Variants in RAP1GAP2 observed in about 807,000 individuals in gnomAD.
RAP1GAP2 encodes the protein RAP1 GTPase activating protein 2, also known as rap1 GTPase-activating protein 2.
In RAP1GAP2, 27 loss-of-function variants were observed where a neutral mutation model predicts 95.0. The observed-to-expected ratio is 0.28, with a 90% CI of 0.21 to 0.39. The LOEUF (loss-of-function observed/expected upper bound fraction) is 0.39. RAP1GAP2 is among the 10% of genes least tolerant of loss of function. The pLI, the probability that RAP1GAP2 is intolerant of heterozygous loss-of-function variation, is 1.00. For synonymous variants in RAP1GAP2, 373 were observed against 380.9 expected, an observed-to-expected ratio of 0.98 and a Z score of 0.24; for missense variants, 771 against 970.0, an observed-to-expected ratio of 0.79 and a Z score of 2.72.
At chr17:2,822,747 G>A (rs531922551) in intron 2 of RAP1GAP2, among the ~76,000 whole-genome samples, 103 of 145,714 alleles carry the variant, frequency 7.1e-4, no homozygotes, top group African/African-American at 2.4e-3. Context: ...GCGTACATGT[G>A]CACAACGTGC....
At chr17:2,787,714 CATG>C (rs1307339956) in intron 1 of RAP1GAP2, among the ~76,000 whole-genome samples, 1 of 152,126 alleles carries the variant, frequency 6.6e-6, no homozygotes, top group Non-Finnish European at 1.5e-5. Context: ...AATACAGGCG[CATG>C]CCGCCACACC....
intron 19 of RAP1GAP2, 44 bp downstream of exon 19, chr17:3,020,639 T>A (rs11652061): frequency 2.6e-6 from 4 of 1,541,878 alleles, no homozygotes; most frequent in Non-Finnish European, 3.6e-6. Flanking sequence ...TTGCGGGGTC[T>A]GTCAACCCCC....
intron 10 of RAP1GAP2, 145 bp downstream of exon 10, chr17:2,981,393 C>G: frequency 1.3e-6 from 1 of 756,358 alleles, no homozygotes; most frequent in Non-Finnish European, 2.1e-6. Flanking sequence ...CTCTCCCTGC[C>G]CACCCCTTCA....
intron 2 of RAP1GAP2, among the ~76,000 whole-genome samples, chr17:2,833,154 T>TG (rs1042110909): frequency 1.3e-5 from 2 of 151,508 alleles, no homozygotes; most frequent in African/African-American, 4.8e-5. Flanking sequence ...AATTTTTTTT[T>TG]TTTTTTTAGA....
At position 3,004,780 on chromosome 17, in the gene RAP1GAP2, G is replaced by C. The variant is rs1415173099; in HGVS notation, c.1201-589G>C. The stretch of plus-strand genomic sequence containing the variant: ...CCGGGGGGCCCTACCCTTCCGATTC[G>C]GCAGGTTTAGGCCAGAGCCCATGAA... On this transcript the variant is annotated intron_variant, in intron 14 of 24. Transcript: ENST00000254695. The surrounding 1 kb of genome is among the most constrained non-coding windows in gnomAD (Gnocchi z 4.1). Among the ~76,000 whole-genome samples, 1 of 152,234 alleles carries C rather than the reference G, an allele frequency of 6.6e-6. No homozygotes were observed. The highest frequency in any genetic ancestry group is 2.4e-5 in the African/African-American group (1 of 41,466).
chr17:2,860,228 G>T (rs2072320962), intron 2 of RAP1GAP2, among the ~76,000 whole-genome samples: 1 of 152,160 alleles, frequency 6.6e-6, no homozygotes, highest in African/African-American at 2.4e-5. Flanking sequence ...TCCTTAGGAG[G>T]CAGCTGGGTC....
chr17:2,824,425 T>G, intron 2 of RAP1GAP2, among the ~76,000 whole-genome samples: 1 of 137,280 alleles, frequency 7.3e-6, no homozygotes. Flanking sequence ...CCAGCCTGGG[T>G]GACAGAGCTA....
chr17:2,763,469 G>C (rs1370686174), intron 1 of RAP1GAP2, among the ~76,000 whole-genome samples: 1 of 152,172 alleles, frequency 6.6e-6, no homozygotes, highest in Non-Finnish European at 1.5e-5. Context: ...GCCGAGGCAG[G>C]TGGATCACCT....
At position 2,805,513 on chromosome 17, in the gene RAP1GAP2, G is replaced by A. The variant is rs532422225; in HGVS notation, c.80+4963G>A. On this transcript the variant is annotated intron_variant, in intron 2 of 24. Coordinates refer to ENST00000254695, the MANE Select transcript of RAP1GAP2 (RefSeq NM_015085.5). ...TGGGATTACAGGTGTGCACCACCAC[G>A]CCCAGCTATTATTATTATTATTATT... is the stretch of plus-strand genomic sequence containing the variant. 2.6e-5 allele frequency among the ~76,000 whole-genome samples: 4 copies of A among 151,970 alleles called. No individual in the cohort carries two copies. The East Asian group carries it at 7.7e-4, about 29-fold the overall frequency.
chr17:2,884,018 CCT>C (rs893650591), intron 2 of RAP1GAP2, among the ~76,000 whole-genome samples: 5 of 152,234 alleles, frequency 3.3e-5, no homozygotes, highest in African/African-American at 9.6e-5. Context: ...ACCTCCGCCT[CCT>C]CTCTCTCCAG....
intron 13 of RAP1GAP2, among the ~76,000 whole-genome samples, chr17:2,996,595 T>G (rs2045967424): frequency 6.6e-6 from 1 of 152,204 alleles, no homozygotes; most frequent in Non-Finnish European, 1.5e-5. Flanking sequence ...TGGGTTTTCA[T>G]TCAACCTTTC....
intron 12 of RAP1GAP2, among the ~76,000 whole-genome samples, chr17:2,994,360 G>A (rs16952568): frequency 0.041 from 6,274 of 152,290 alleles, 398 homozygotes; most frequent in African/African-American, 0.14. Context: ...TGAAGACTGT[G>A]ATCAAAGCTG....
chr17:2,981,098 C>A, intron 9 of RAP1GAP2, 97 bp from the exon 10 acceptor site: 1 of 1,160,218 alleles, frequency 8.6e-7, no homozygotes, highest in Non-Finnish European at 1.3e-6. Flanking sequence ...GACCCATGTG[C>A]CTCGCCCTCC....
intron 2 of RAP1GAP2, among the ~76,000 whole-genome samples, chr17:2,813,931 C>T (rs9894144): frequency 0.84 from 127,110 of 151,460 alleles, 53,732 homozygotes; most frequent in African/African-American, 0.94. Flanking sequence ...CCATTGCACT[C>T]TAGCCTGGGC....
intron 2 of RAP1GAP2, among the ~76,000 whole-genome samples, chr17:2,820,826 A>G (rs1006952620): frequency 6.7e-6 from 1 of 150,022 alleles, no homozygotes; most frequent in Non-Finnish European, 1.5e-5. Context: ...GGTTCAAGCA[A>G]TTCTCCTGCC....
chr17:3,026,809 G>C (rs1343121623), intron 21 of RAP1GAP2, 135 bp from the exon 22 acceptor site: 2 of 1,189,732 alleles, frequency 1.7e-6, no homozygotes, highest in Non-Finnish European at 2.3e-6. Context: ...GTTGAAGTCA[G>C]CAGGAAAGAA....
rs1432037885 is a variant in RAP1GAP2 at position 2,855,039 on chromosome 17, T to C, written c.81-50245T>C. Among the ~76,000 whole-genome samples the C allele has an allele frequency of 6.6e-6, 1 of 152,142 alleles. No homozygotes were observed. Among genetic ancestry groups the C allele is most frequent in the Non-Finnish European group, 1.5e-5 (1 of 68,010 alleles). ...CACGGGCAGTGGAACCAGAGACACC[T>C]GGGGGTGACCAGCAGCCCCTGGATA... On this transcript the variant is annotated intron_variant, in intron 2 of 24. Transcript: ENST00000254695. The surrounding 1 kb of genome is among the most constrained non-coding windows in gnomAD (Gnocchi z 4.3).
chr17:2,808,352 T>C (rs1009882500), intron 2 of RAP1GAP2, among the ~76,000 whole-genome samples: 3 of 152,094 alleles, frequency 2.0e-5, no homozygotes, highest in Admixed American at 6.5e-5. Flanking sequence ...GTCCCATTCA[T>C]GGAGACGGAG....
chr17:2,957,619 A>G (rs927423742), intron 3 of RAP1GAP2, 140 bp from the exon 4 acceptor site: 2 of 990,480 alleles, frequency 2.0e-6, no homozygotes, highest in South Asian at 1.7e-5. Flanking sequence ...AAATCAAATT[A>G]TCTTCTCTGT....
Sources: allele counts gnomAD v4.1 joint callset (sites outside exome capture counted in the v4.1 genomes callset), GRCh38; gene constraint gnomAD v4.1.1; non-coding constraint Gnocchi (gnomAD v3.1); transcripts MANE v1.5; gene names NCBI Gene and HGNC (gene_info 2026-07-23, HGNC 2026-07-21).